SHTN1: variants seen among roughly 807,000 people sequenced by gnomAD.
The protein encoded by SHTN1 is shootin 1, also known as shootin-1.
A neutral mutation model predicts 83.1 loss-of-function variants in SHTN1; 42 were observed. That is an observed-to-expected ratio of 0.51 (90% CI 0.39 to 0.65). The LOEUF (loss-of-function observed/expected upper bound fraction) is 0.65. Ranked by LOEUF, SHTN1 falls within the 30% of genes least tolerant of loss-of-function variation. The pLI is 0.00. For missense variants in SHTN1, 622 were observed against 737.8 expected (o/e 0.84, Z 1.82); for synonymous variants, 224 against 247.7 (o/e 0.90, Z 0.90).
chr10:117,066,524 G>C (rs768431965), intron 1 of SHTN1, among the ~76,000 whole-genome samples: 14 of 152,168 alleles, frequency 9.2e-5, no homozygotes, highest in Non-Finnish European at 1.6e-4. Context: ...TAGGTGACAA[G>C]GAGCCAACTA....
At chr10:116,973,810 T>C (rs1169705998) in intron 2 of SHTN1, 1 of 1,175,954 alleles carries the variant, frequency 8.5e-7, no homozygotes, top group South Asian at 1.3e-5. Flanking sequence ...CAGTTAAAGA[T>C]TTAAACATGC....
intron 16 of SHTN1, among the ~76,000 whole-genome samples, chr10:116,894,861 G>A (rs1486667200): frequency 1.3e-5 from 2 of 152,272 alleles, no homozygotes; most frequent in East Asian, 1.9e-4. Flanking sequence ...AAGCAAGAGG[G>A]CAAGAAAACA....
chr10:116,980,584 A>G (rs532300283), intron 1 of SHTN1, among the ~76,000 whole-genome samples: 40 of 138,058 alleles, frequency 2.9e-4, no homozygotes, highest in Admixed American at 2.5e-3. Context: ...TTTAAGAAAG[A>G]AAAAAAAACA....
intron 1 of SHTN1, among the ~76,000 whole-genome samples, chr10:117,125,235 T>G (rs1456004846): frequency 6.6e-6 from 1 of 152,168 alleles, no homozygotes; most frequent in Non-Finnish European, 1.5e-5. Flanking sequence ...GCACTAGAGT[T>G]GAACTTATTT....
intron 8 of SHTN1, among the ~76,000 whole-genome samples, chr10:116,944,306 CT>C (rs1849494598): frequency 6.6e-6 from 1 of 152,096 alleles, no homozygotes; most frequent in South Asian, 2.1e-4. Flanking sequence ...TTATACAACA[CT>C]TTTTTTAAAT....
At position 116,881,528 on chromosome 10, in the gene SHTN1, A is replaced by C. The variant is rs765088521; in HGVS notation, c.*4816T>G. ...TACTTTAAATAGGTTTCAAAGAAGAACACACTTTTTTTTACTTTAATGAGG... is the reference window on the plus strand; with the variant it reads ...TACTTTAAATAGGTTTCAAAGAAGACCACACTTTTTTTTACTTTAATGAGG... On this transcript the variant is annotated 3_prime_UTR_variant, in exon 17 of 17. Coordinates refer to ENST00000355371, the MANE Select transcript of SHTN1 (RefSeq NM_001127211.3). 11 of 1,543,572 alleles carry C rather than the reference A, an allele frequency of 7.1e-6. No individual in the cohort carries two copies. The South Asian group carries it at 1.3e-4, about 19-fold the overall frequency.
intron 2 of SHTN1, among the ~76,000 whole-genome samples, chr10:116,973,028 C>A (rs1379630278): frequency 1.3e-5 from 2 of 152,148 alleles, no homozygotes; most frequent in Non-Finnish European, 2.9e-5. Flanking sequence ...TGTAGAGAAA[C>A]AGCCTTTCCA....
chr10:117,046,354 T>G (rs961899676), intron 2 of SHTN1, among the ~76,000 whole-genome samples: 1 of 152,044 alleles, frequency 6.6e-6, no homozygotes, highest in African/African-American at 2.4e-5. Context: ...TGAAGATGGC[T>G]ATAATAAAAA....
intron 2 of SHTN1, among the ~76,000 whole-genome samples, chr10:117,047,375 T>TA (rs1464876867): frequency 6.6e-6 from 1 of 150,492 alleles, no homozygotes; most frequent in East Asian, 2.0e-4. Flanking sequence ...CTCAAAAATA[T>TA]TTTTTTTTAA....
intron 1 of SHTN1, among the ~76,000 whole-genome samples, chr10:117,113,822 G>T (rs986580355): frequency 1.3e-5 from 2 of 152,144 alleles, no homozygotes; most frequent in African/African-American, 4.8e-5. Context: ...GAGGCAGGTG[G>T]ATCATCTGAG....
chr10:117,097,265 G>A (rs1311095939), intron 1 of SHTN1, among the ~76,000 whole-genome samples: 4 of 152,168 alleles, frequency 2.6e-5, no homozygotes, highest in Non-Finnish European at 5.9e-5. Flanking sequence ...GCTCAACCCC[G>A]ACAGACTCTG....
At chr10:117,027,112 G>C (rs542017193) in intron 2 of SHTN1, among the ~76,000 whole-genome samples, 1 of 152,286 alleles carries the variant, frequency 6.6e-6, no homozygotes, top group African/African-American at 2.4e-5. Flanking sequence ...AATTCTTCTG[G>C]ACCTTGTCCA....
At chr10:117,005,669 C>T (rs1851993341), upstream of SHTN1, 1 of 791,812 alleles carries the variant, frequency 1.3e-6, no homozygotes, top group African/African-American at 1.9e-5. Context: ...GGGGCGGGCC[C>T]AGGGTGGTAC....
At chr10:117,061,297 A>G (rs932319658) in intron 1 of SHTN1, among the ~76,000 whole-genome samples, 2 of 145,808 alleles carry the variant, frequency 1.4e-5, no homozygotes, top group Non-Finnish European at 3.0e-5. Context: ...CACGCGTTCA[A>G]GCGATTCTCC....
intron 11 of SHTN1, among the ~76,000 whole-genome samples, chr10:116,925,354 T>C (rs1377281879): frequency 1.3e-5 from 2 of 152,190 alleles, no homozygotes; most frequent in Admixed American, 6.5e-5. Context: ...AACTGGGTTA[T>C]TGGCTTTTTC....
chr10:117,084,031 T>G (rs1367940078), intron 1 of SHTN1, among the ~76,000 whole-genome samples: 8 of 152,186 alleles, frequency 5.3e-5, no homozygotes, highest in Admixed American at 5.2e-4. Context: ...TTCTGAAGCC[T>G]TCTTCTCTCA....
In SHTN1 at chr10:116,901,821, C is replaced by G. The variant is rs533080491; in HGVS notation, c.1617G>C (p.Glu539Asp). 6.2e-7 allele frequency: 1 copy of G among 1,601,140 alleles called. No homozygotes were observed. Among genetic ancestry groups the G allele is most frequent in the African/African-American group, 1.4e-5 (1 of 73,842 alleles). The change falls in exon 16 of 17, where the codon GAG becomes GAC. Residue 539 changes from glutamate to aspartate, a missense_variant. Glu to Asp is a conservative substitution (Grantham distance 45). Transcript: ENST00000355371. ...CCAATTTACGGGGCCCTTCACCTGG[C>G]TCAGGTGTTGGGGGGGACGGGCTGT... ...EFNSPSPPTPEPGEGPRKLEG... is the reference protein window; with the variant it reads ...EFNSPSPPTPDPGEGPRKLEG...
chr10:116,922,687 G>A (rs1055203956), intron 11 of SHTN1, among the ~76,000 whole-genome samples: 3 of 152,130 alleles, frequency 2.0e-5, no homozygotes, highest in Non-Finnish European at 2.9e-5. Flanking sequence ...AGAGTAGGCC[G>A]TGTGCAGTGG....
chr10:116,889,147 T>C (rs1427839085), intron 16 of SHTN1, among the ~76,000 whole-genome samples: 2 of 152,222 alleles, frequency 1.3e-5, no homozygotes, highest in African/African-American at 2.4e-5. Context: ...TGTGTGTCTG[T>C]AGGTGAAGGG....
Sources: allele counts gnomAD v4.1 joint callset (sites outside exome capture counted in the v4.1 genomes callset), GRCh38; gene constraint gnomAD v4.1.1; transcripts MANE v1.5; gene names NCBI Gene and HGNC (gene_info 2026-07-23, HGNC 2026-07-21).